Variants in UROC1 observed in about 807,000 individuals in gnomAD.
The protein encoded by UROC1 is urocanate hydratase 1, also known as urocanate hydratase.
In UROC1, 79 loss-of-function variants were observed where a neutral mutation model predicts 89.5. The observed-to-expected ratio is 0.88, with a 90% CI of 0.74 to 1.06. The LOEUF is 1.06. UROC1 is among the 50% of genes least tolerant of loss of function. UROC1 has a pLI of 0.00. For synonymous variants in UROC1, 361 were observed against 354.8 expected, an observed-to-expected ratio of 1.02 and a Z score of -0.20; for missense variants, 885 against 907.8, an observed-to-expected ratio of 0.97 and a Z score of 0.32.
chr3:126,504,177 C>T, intron 8 of UROC1, 94 bp from the exon 9 acceptor site: 1 of 1,242,906 alleles, frequency 8.0e-7, no homozygotes, highest in Non-Finnish European at 1.2e-6. Context: ...GGTGTCATCC[C>T]CTGTAGGTCC....
intron 18 of UROC1, among the ~76,000 whole-genome samples, chr3:126,483,773 C>T (rs945700723): frequency 2.6e-5 from 4 of 152,364 alleles, no homozygotes; most frequent in East Asian, 1.9e-4. Context: ...CCCCAGTGGG[C>T]TATAGCTGCC....
At position 126,507,799 on chromosome 3, in the gene UROC1, A is replaced by G. The variant is rs190442002; in HGVS notation, c.545T>C (p.Ile182Thr). The G allele has an allele frequency of 1.2e-6, 2 of 1,614,026 alleles. No individual in the cohort carries two copies. The highest frequency in any genetic ancestry group is 2.7e-5 in the African/African-American group (2 of 74,926). ...CTCCGTCCGGGAGGAGTAGTTGGGA[A>G]TGACCTGGAGAAGAGGATGGGGGCA... ...PRLVITNGMV[I>T]PNYSSRTEYE... is the part of the protein sequence containing the mutation. Residue 182 changes from isoleucine to threonine, a missense_variant, in exon 6 of 20, where the codon ATT becomes ACT. By Grantham distance (89) the Ile-to-Thr change is moderately conservative. Transcript: ENST00000290868.
At chr3:126,497,937 C>A in intron 14 of UROC1, 114 bp downstream of exon 14, 15 of 1,585,978 alleles carry the variant, frequency 9.5e-6, no homozygotes, top group Non-Finnish European at 1.3e-5. Context: ...GTCATCTGCG[C>A]CCAGGTTCCC....
intron 17 of UROC1, 24 bp from the exon 18 acceptor site, chr3:126,488,303 CT>C: frequency 6.2e-7 from 1 of 1,613,782 alleles, no homozygotes; most frequent in Non-Finnish European, 8.5e-7. Context: ...GACGCCTCTG[CT>C]CATCACCCCC....
chr3:126,510,431 TGA>T (rs1224857293), intron 2 of UROC1, among the ~76,000 whole-genome samples: 1 of 152,220 alleles, frequency 6.6e-6, no homozygotes, highest in Non-Finnish European at 1.5e-5. Flanking sequence ...GGGCCGGGCC[TGA>T]GAGACCTGAG....
chr3:126,498,833 GCC>G (rs1560120895), intron 13 of UROC1, among the ~76,000 whole-genome samples: 1 of 152,082 alleles, frequency 6.6e-6, no homozygotes, highest in Non-Finnish European at 1.5e-5. Flanking sequence ...GGTCCCTCCT[GCC>G]CCCAGCAGAA....
intron 18 of UROC1, 76 bp from the exon 19 acceptor site, chr3:126,483,544 G>C: frequency 7.1e-7 from 1 of 1,411,710 alleles, no homozygotes; most frequent in Non-Finnish European, 9.9e-7. Context: ...CCCATGTTTT[G>C]GAAGCATTGG....
At chr3:126,496,221 A>T in intron 14 of UROC1, 113 bp from the exon 15 acceptor site, 1 of 1,105,142 alleles carries the variant, frequency 9.0e-7, no homozygotes, top group Non-Finnish European at 1.3e-6. Flanking sequence ...CTGAGCTAGG[A>T]CACAAGGTGA....
rs1262927512 is a variant in UROC1, at chr3:126,512,896, A to G, written c.127-2102T>C. 4.6e-5 allele frequency among the ~76,000 whole-genome samples: 7 copies of G among 152,256 alleles called. No individual in the cohort carries two copies. In the East Asian group the frequency reaches 1.2e-3, roughly 25 times the overall value. On this transcript the variant is annotated intron_variant, in intron 1 of 19. Transcript: ENST00000290868. ...TTGCACTATTTCTTGATCGCAGTCC[A>G]GTAAAACCCACTTCAGATTTCTGAT...
intron 15 of UROC1, among the ~76,000 whole-genome samples, chr3:126,494,968 C>T (rs1024740189): frequency 1.3e-5 from 2 of 152,170 alleles, no homozygotes; most frequent in East Asian, 1.9e-4. Flanking sequence ...CCACCGTCTC[C>T]GCTTTGCAGA....
rs1347523511 is a variant in UROC1 at position 126,499,350 on chromosome 3, G to A, written c.1303C>T (p.Gln435Ter). Residue 435 changes from glutamine to a stop codon, truncating the protein, a stop_gained, in exon 13 of 20, where the codon CAG becomes TAG. Transcript: ENST00000290868. LOFTEE classifies it high-confidence loss of function. ...CCCATCACTCACCCCATGATGTGCT[G>A]CACATAGGAAGGGTAGCGGAACTCT... ...RTEFRYPSYV[Q>*]HIMGDIFSQG... The A allele has an allele frequency of 1.9e-6, 3 of 1,611,798 alleles. No individual in the cohort carries two copies. Among genetic ancestry groups the A allele is most frequent in the East Asian group, 4.5e-5 (2 of 44,812 alleles).
chr3:126,500,550 G>A (rs1259848683), intron 11 of UROC1, 145 bp downstream of exon 11: 20 of 992,484 alleles, frequency 2.0e-5, no homozygotes, highest in Non-Finnish European at 1.6e-6. Flanking sequence ...GACTCCGTCT[G>A]ATGGGTGGAG....
intron 15 of UROC1, 89 bp from the exon 16 acceptor site, chr3:126,492,605 C>T (rs1227136035): frequency 4.8e-6 from 5 of 1,038,888 alleles, no homozygotes; most frequent in African/African-American, 3.2e-5. Context: ...GGCACTTCCA[C>T]TGTGGGACAT....
chr3:126,498,646 C>A (rs1935839506), intron 13 of UROC1, among the ~76,000 whole-genome samples: 1 of 152,008 alleles, frequency 6.6e-6, no homozygotes, highest in Non-Finnish European at 1.5e-5. Context: ...CCAGGGGGTG[C>A]CTCCTCCTGG....
chr3:126,488,861 C>T (rs1019096252), intron 17 of UROC1, among the ~76,000 whole-genome samples: 2 of 152,206 alleles, frequency 1.3e-5, no homozygotes, highest in African/African-American at 4.8e-5. Context: ...TTTGCACCCT[C>T]TTGCAGGCTC....
chr3:126,509,694 C>G lies in UROC1; in HGVS notation c.258-16G>C. 6 of 1,550,590 alleles carry G rather than the reference C, an allele frequency of 3.9e-6. No homozygotes were observed. The highest frequency in any genetic ancestry group is 5.2e-6 in the Non-Finnish European group (6 of 1,146,258). ...CGGGTAGGCCCTGCAAGGGAAAGCC[C>G]AACCACCAGGCTGCCCTTCCCGCCA... On this transcript the variant is annotated splice_polypyrimidine_tract_variant and intron_variant, in intron 2 of 19. Transcript: ENST00000290868.
rs1226554222 is a variant in UROC1, at chr3:126,481,949, A to ACAG, written c.*393_*395dup. The ACAG allele has an allele frequency of 3.5e-6, 1 of 286,796 alleles. No homozygotes were observed. Among genetic ancestry groups the ACAG allele is most frequent in the African/African-American group, 2.2e-5 (1 of 45,922 alleles). 17.8% of individuals were successfully genotyped at this position (286,796 alleles called of 1,614,324 possible). A position where few individuals can be genotyped will look rare whatever the true frequency, so the allele number is the denominator to read the frequency against. ...CAGGGTCCAGAAGTTGCTTGCACAG[A>ACAG]CAGCAGATGGGCAGCAGACAGACAG... On this transcript the variant is annotated 3_prime_UTR_variant, in exon 20 of 20. Transcript: ENST00000290868.
intron 11 of UROC1, 54 bp from the exon 12 acceptor site, chr3:126,500,208 A>G (rs1429298825): frequency 2.6e-5 from 41 of 1,575,204 alleles, no homozygotes; most frequent in South Asian, 6.7e-5. Flanking sequence ...GGCCTCCCCA[A>G]TGTGGCACCC....
chr3:126,511,853 C>G (rs1004797870), intron 1 of UROC1, among the ~76,000 whole-genome samples: 1 of 152,154 alleles, frequency 6.6e-6, no homozygotes, highest in Admixed American at 6.5e-5. Context: ...TTGAATTTTT[C>G]TTTATTGCTG....
Sources: gnomAD v4.1 joint callset for allele counts (sites outside exome capture counted in the v4.1 genomes callset) on GRCh38, gnomAD v4.1.1 for gene constraint, MANE v1.5 for transcripts, NCBI Gene and HGNC (gene_info 2026-07-23, HGNC 2026-07-21) for gene names.